The following AS3MT variants were observed in gnomAD, a reference collection of about 807,000 sequenced individuals.
AS3MT encodes the protein arsenite methyltransferase, also known as S-adenosyl-L-methionine:arsenic(III) methyltransferase.
A neutral mutation model predicts 45.3 loss-of-function variants in AS3MT; 47 were observed. That is an observed-to-expected ratio of 1.04 (90% CI 0.82 to 1.32). The LOEUF is 1.32. AS3MT is among the 40% of genes most tolerant of loss of function. The pLI is 0.00. For synonymous variants in AS3MT, 141 were observed against 152.8 expected, an observed-to-expected ratio of 0.92 and a Z score of 0.57; for missense variants, 396 against 451.1, an observed-to-expected ratio of 0.88 and a Z score of 1.11.
intron 9 of AS3MT, among the ~76,000 whole-genome samples, chr10:102,888,904 G>A (rs1166342797): frequency 2.2e-5 from 2 of 88,936 alleles, no homozygotes; most frequent in Non-Finnish European, 4.4e-5. Flanking sequence ...TTTTTGAGAC[G>A]GAGTCTCGCT....
chr10:102,889,600 C>T (rs77969925), intron 9 of AS3MT, among the ~76,000 whole-genome samples: 4,874 of 117,310 alleles, frequency 0.042, 83 homozygotes, highest in East Asian at 0.076. Context: ...TTCCCTTCCC[C>T]TGCCTGTCTG....
In AS3MT at chr10:102,880,538, T is replaced by C. The variant is rs146726364; in HGVS notation, c.885+1547T>C. Among the ~76,000 whole-genome samples the C allele has an allele frequency of 1.9e-3, 291 of 152,288 alleles. 3 individuals carry two copies. Among genetic ancestry groups the C allele is most frequent in the African/African-American group, 6.8e-3 (281 of 41,558 alleles). ...CAACATTAGAATTTCAACATTAGAA[T>C]TCTTAATTCTATTAGGAAAAAAAGC... On this transcript the variant is annotated intron_variant, in intron 9 of 10. Transcript: ENST00000369880.
Position 102,869,832 on chromosome 10 carries a change from A to C in AS3MT, c.29A>C (p.Gln10Pro). Residue 10 changes from glutamine to proline, a missense_variant, in exon 2 of 11, where the codon CAG (glutamine) becomes CCG (proline). Transcript: ENST00000369880. MAALRDAEI[Q>P]KDVQTYYGQV... The stretch of plus-strand genomic sequence containing the variant: ...GCTGCACTTCGTGACGCTGAGATAC[A>C]GAAGGACGTGCAGGTGAGAGCTGTA... The C allele has an allele frequency of 1.9e-6, 3 of 1,614,046 alleles. No individual in the cohort carries two copies. In the South Asian group the frequency reaches 3.3e-5, roughly 18 times the overall value.
intron 7 of AS3MT, 39 bp downstream of exon 7, chr10:102,877,074 T>C (rs757476947): frequency 1.3e-6 from 2 of 1,572,598 alleles, no homozygotes; most frequent in African/African-American, 1.4e-5. Context: ...AGGCAGATGG[T>C]TGTACATGTG....
At chr10:102,890,520 AT>A (rs527486508) in intron 9 of AS3MT, 23 bp from the exon 10 acceptor site, 1,005 of 1,481,774 alleles carry the variant, frequency 6.8e-4, no homozygotes, top group Admixed American at 1.4e-3. Flanking sequence ...AACTCTTAGT[AT>A]TTTTTTTTAT....
At chr10:102,874,097 A>G (rs1844740982) in intron 5 of AS3MT, among the ~76,000 whole-genome samples, 1 of 152,170 alleles carries the variant, frequency 6.6e-6, no homozygotes, top group African/African-American at 2.4e-5. Flanking sequence ...TACTAAAAAT[A>G]CAAAAATTAG....
At chr10:102,883,421 A>G (rs1231105203) in intron 9 of AS3MT, among the ~76,000 whole-genome samples, 2 of 151,770 alleles carry the variant, frequency 1.3e-5, no homozygotes, top group African/African-American at 4.8e-5. Flanking sequence ...TTTAAAAACC[A>G]CCAGTCCTTG....
intron 7 of AS3MT, 148 bp downstream of exon 7, chr10:102,877,183 G>A: frequency 1.4e-6 from 1 of 699,428 alleles, no homozygotes; most frequent in Non-Finnish European, 2.4e-6. Context: ...CCATTCAAAA[G>A]TGATAGGGCT....
chr10:102,900,752 T>C lies in AS3MT; in HGVS notation c.*52T>C. ...TAGTGGGCAAGAGTGATCTGCATGT[T>C]TTTTAACCTGCTTTTCCCCATAGCA... On this transcript the variant is annotated 3_prime_UTR_variant, in exon 11 of 11. Coordinates refer to ENST00000369880, the MANE Select transcript of AS3MT (RefSeq NM_020682.4). 1 of 1,389,326 alleles carries C rather than the reference T, an allele frequency of 7.2e-7. No individual in the cohort carries two copies. The highest frequency in any genetic ancestry group is 1.2e-5 in the South Asian group (1 of 86,616). The allele number at this position is 1,389,326 out of a possible 1,614,324, so 86.1% of individuals were successfully genotyped here.
chr10:102,890,115 C>T (rs1845044984), intron 9 of AS3MT, among the ~76,000 whole-genome samples: 1 of 151,978 alleles, frequency 6.6e-6, no homozygotes, highest in South Asian at 2.1e-4. Context: ...ATTCTCCTGC[C>T]TCAGCCTCCC....
chr10:102,888,881 A>ATATATATATATTTT (rs1491503446), intron 9 of AS3MT, among the ~76,000 whole-genome samples: 2 of 52,522 alleles, frequency 3.8e-5, no homozygotes, highest in African/African-American at 1.4e-4. Context: ...ATATATATAT[A>ATATATATATATTTT]TTTTTTTTTT....
intron 10 of AS3MT, among the ~76,000 whole-genome samples, chr10:102,897,551 C>T (rs912158258): frequency 1.4e-4 from 21 of 151,412 alleles, no homozygotes; most frequent in Non-Finnish European, 2.2e-4. Flanking sequence ...CTTACTCCTC[C>T]GCCTCCTGGG....
chr10:102,881,387 A>T lies in AS3MT; in HGVS notation c.885+2396A>T, dbSNP rs1238937714. 6.6e-6 allele frequency among the ~76,000 whole-genome samples: 1 copy of T among 152,266 alleles called. No homozygotes were observed. Among genetic ancestry groups the T allele is most frequent in the African/African-American group, 2.4e-5 (1 of 41,484 alleles). ...AAAATTATGCTAAATCTCTCTGGTA[A>T]TTAACTAAATAAAAATCATTTTATA... On this transcript the variant is annotated intron_variant, in intron 9 of 10. Coordinates refer to ENST00000369880, the MANE Select transcript of AS3MT (RefSeq NM_020682.4). This position sits in a 1 kb window ranked among gnomAD's most constrained non-coding sequence, Gnocchi z 4.2.
chr10:102,873,157 A>G lies in AS3MT; in HGVS notation c.382A>G (p.Asn128Asp), dbSNP rs1360575705. 2 of 1,610,334 alleles carry G rather than the reference A, an allele frequency of 1.2e-6. No homozygotes were observed. Among genetic ancestry groups the G allele is most frequent in the Middle Eastern group, 3.3e-4 (2 of 6,042 alleles). The change falls in exon 5 of 11, where the codon AAT becomes GAT. Residue 128 changes from asparagine to aspartate, a missense_variant. Transcript: ENST00000369880. ...GGAAAAATATGGCTTCCAGGCATCT[A>G]ATGTGACTTTTATTCATGGCTACAT... ...HMEKYGFQAS[N>D]VTFIHGYIEK...
At chr10:102,883,707 T>G (rs113548449) in intron 9 of AS3MT, among the ~76,000 whole-genome samples, 1 of 151,190 alleles carries the variant, frequency 6.6e-6, no homozygotes, top group Non-Finnish European at 1.5e-5. Context: ...GAGCAAGACT[T>G]CATCTCAAAA....
At chr10:102,871,955 T>C (rs372043661) in intron 3 of AS3MT, among the ~76,000 whole-genome samples, 2 of 151,736 alleles carry the variant, frequency 1.3e-5, no homozygotes, top group East Asian at 3.9e-4. Flanking sequence ...CCATCTCTGC[T>C]CACTGCAACC....
intron 4 of AS3MT, 24 bp from the exon 5 acceptor site, chr10:102,873,073 A>G: frequency 6.5e-7 from 1 of 1,540,666 alleles, no homozygotes; most frequent in Non-Finnish European, 8.7e-7. Flanking sequence ...AAATGTTATC[A>G]AAACTATATT....
intron 9 of AS3MT, among the ~76,000 whole-genome samples, chr10:102,886,585 T>C (rs926025675): frequency 6.6e-6 from 1 of 152,104 alleles, no homozygotes; most frequent in African/African-American, 2.4e-5. Flanking sequence ...CCCAAAGTTC[T>C]GGGATTACAG....
chr10:102,879,768 CAAA>C (rs1191489555), intron 9 of AS3MT, among the ~76,000 whole-genome samples: 2 of 60,710 alleles, frequency 3.3e-5, no homozygotes. Context: ...GACTCCATCT[CAAA>C]AAAAAAAAAA....
Sources: allele counts gnomAD v4.1 joint callset (sites outside exome capture counted in the v4.1 genomes callset), GRCh38; gene constraint gnomAD v4.1.1; non-coding constraint Gnocchi (gnomAD v3.1); transcripts MANE v1.5; gene names NCBI Gene and HGNC (gene_info 2026-07-23, HGNC 2026-07-21).